The following TTC28 variants were observed in gnomAD, a reference collection of about 807,000 sequenced individuals.
TTC28 encodes the protein tetratricopeptide repeat protein 28.
In TTC28, 61 loss-of-function variants were observed where a neutral mutation model predicts 198.0. The observed-to-expected ratio is 0.31, with a 90% confidence interval of 0.25 to 0.38. TTC28 has a LOEUF of 0.38. Ranked by LOEUF, TTC28 falls within the 10% of genes least tolerant of loss-of-function variation. The pLI is 1.00. For synonymous variants in TTC28, 1,171 were observed against 1,297.8 expected, an observed-to-expected ratio of 0.90 and a Z score of 2.10; for missense variants, 2,678 against 3,164.0, an observed-to-expected ratio of 0.85 and a Z score of 3.69.
intron 2 of TTC28, among the ~76,000 whole-genome samples, chr22:28,541,905 AC>A (rs2049420706): frequency 6.6e-6 from 1 of 151,630 alleles, no homozygotes; most frequent in African/African-American, 2.4e-5. Context: ...ATATAGCAAG[AC>A]CCCCATGTCT....
At chr22:28,284,056 C>A (rs1399365070) in intron 5 of TTC28, among the ~76,000 whole-genome samples, 2 of 152,124 alleles carry the variant, frequency 1.3e-5, no homozygotes, top group African/African-American at 4.8e-5. Flanking sequence ...CAATATTCTT[C>A]CTCCAAACCA....
intron 2 of TTC28, among the ~76,000 whole-genome samples, chr22:28,370,441 C>T (rs772186180): frequency 6.6e-6 from 1 of 152,200 alleles, no homozygotes; most frequent in African/African-American, 2.4e-5. Flanking sequence ...TTCCTACATA[C>T]TGTATTTCTT....
At chr22:28,377,818 C>A (rs986045882) in intron 2 of TTC28, among the ~76,000 whole-genome samples, 2 of 151,846 alleles carry the variant, frequency 1.3e-5, no homozygotes, top group African/African-American at 2.4e-5. Context: ...GTCTGGCAGG[C>A]ATGCAAATAA....
intron 5 of TTC28, among the ~76,000 whole-genome samples, chr22:28,234,402 T>G (rs911530029): frequency 4.0e-5 from 6 of 151,716 alleles, no homozygotes; most frequent in Non-Finnish European, 7.4e-5. Flanking sequence ...AGAAGGAGTC[T>G]CCCTCTGTCA....
intron 5 of TTC28, among the ~76,000 whole-genome samples, chr22:28,255,816 C>CA (rs1268881549): frequency 6.0e-5 from 9 of 151,170 alleles, no homozygotes; most frequent in East Asian, 1.9e-4. Context: ...TGATGACCTG[C>CA]AAAAAAAACA....
intron 2 of TTC28, among the ~76,000 whole-genome samples, chr22:28,538,361 T>G (rs2049338256): frequency 1.3e-5 from 2 of 152,088 alleles, no homozygotes; most frequent in South Asian, 2.1e-4. Flanking sequence ...GTGCTGGGAT[T>G]ACAGGCATGA....
intron 2 of TTC28, among the ~76,000 whole-genome samples, chr22:28,365,853 A>C (rs1302101481): frequency 1.3e-5 from 2 of 152,222 alleles, no homozygotes; most frequent in Admixed American, 6.5e-5. Flanking sequence ...GCACATTTCT[A>C]ATTAAATCCT....
intron 6 of TTC28, among the ~76,000 whole-genome samples, chr22:28,115,041 CT>C (rs1322425114): frequency 6.6e-6 from 1 of 152,176 alleles, no homozygotes; most frequent in Non-Finnish European, 1.5e-5. Flanking sequence ...AAGGTTGATA[CT>C]GTGGTCTCAG....
At chr22:28,100,924 T>G (rs189428795) in intron 9 of TTC28, among the ~76,000 whole-genome samples, 3 of 152,390 alleles carry the variant, frequency 2.0e-5, no homozygotes, top group Non-Finnish European at 4.4e-5. Flanking sequence ...TATCAATGTT[T>G]AATGGGGAGC....
intron 3 of TTC28, among the ~76,000 whole-genome samples, chr22:28,302,600 T>C (rs952515112): frequency 7.2e-5 from 11 of 152,216 alleles, no homozygotes; most frequent in African/African-American, 2.7e-4. Context: ...GCCAATGGAC[T>C]AGCAAATGGC....
chr22:28,248,811 G>A (rs1376245382), intron 5 of TTC28, among the ~76,000 whole-genome samples: 3 of 152,052 alleles, frequency 2.0e-5, no homozygotes, highest in Non-Finnish European at 4.4e-5. Context: ...GTAATTCACT[G>A]GCCTAATTTC....
chr22:28,482,207 CTTTTTTTTTTTTT>C (rs36011379), intron 2 of TTC28, among the ~76,000 whole-genome samples: 7 of 66,912 alleles, frequency 1.0e-4, no homozygotes, highest in African/African-American at 4.3e-4. Context: ...AATGGGCAGT[CTTTTTTTTTTTTT>C]TTTTTTTTTT....
At chr22:28,648,933 A>T (rs2051523879) in intron 1 of TTC28, among the ~76,000 whole-genome samples, 1 of 151,150 alleles carries the variant, frequency 6.6e-6, no homozygotes, top group Admixed American at 6.6e-5. Flanking sequence ...AAAGAAAAGG[A>T]GAGAGAGAGA....
intron 2 of TTC28, among the ~76,000 whole-genome samples, chr22:28,458,180 G>A (rs2047893368): frequency 6.6e-6 from 1 of 152,018 alleles, no homozygotes; most frequent in Non-Finnish European, 1.5e-5. Flanking sequence ...CTGTTTTAAA[G>A]TTTGACTTCA....
At chr22:28,598,276 C>A (rs1271017828) in intron 2 of TTC28, among the ~76,000 whole-genome samples, 1 of 151,430 alleles carries the variant, frequency 6.6e-6, no homozygotes, top group Non-Finnish European at 1.5e-5. Flanking sequence ...TTTGGGAGGC[C>A]GAGGTGGGTG....
chr22:28,294,197 T>C (rs564715180), intron 5 of TTC28, among the ~76,000 whole-genome samples: 1 of 152,242 alleles, frequency 6.6e-6, no homozygotes, highest in African/African-American at 2.4e-5. Context: ...TTGGAAGGGC[T>C]TAGAAGTGAC....
chr22:28,575,764 C>T (rs896828668), intron 2 of TTC28, among the ~76,000 whole-genome samples: 1 of 152,026 alleles, frequency 6.6e-6, no homozygotes, highest in Non-Finnish European at 1.5e-5. Flanking sequence ...TTATATGTAG[C>T]TATTGCAAAT....
chr22:28,472,547 TGTG>T (rs1555881062), intron 2 of TTC28, among the ~76,000 whole-genome samples: 1 of 76,878 alleles, frequency 1.3e-5, no homozygotes, highest in East Asian at 2.8e-4. Context: ...AAAAAGAAAA[TGTG>T]TATGTGTGTG....
At chr22:28,521,509 G>C (rs978582814) in intron 2 of TTC28, among the ~76,000 whole-genome samples, 5 of 152,118 alleles carry the variant, frequency 3.3e-5, no homozygotes, top group Admixed American at 3.3e-4. Flanking sequence ...AAACAAAAGA[G>C]CTGAGCAGAT....
Sources: gnomAD v4.1 joint callset for allele counts (sites outside exome capture counted in the v4.1 genomes callset) on GRCh38, gnomAD v4.1.1 for gene constraint, MANE v1.5 for transcripts, NCBI Gene and HGNC (gene_info 2026-07-23, HGNC 2026-07-21) for gene names.